Variants in ERN1 observed in about 807,000 individuals in gnomAD.
ERN1 encodes endoplasmic reticulum to nucleus signaling 1.
Under a neutral mutation model 113.1 loss-of-function variants are expected in ERN1, and 39 were observed. That is an observed-to-expected ratio of 0.34 (90% CI 0.27 to 0.45). The LOEUF (loss-of-function observed/expected upper bound fraction) is 0.45. Ranked by LOEUF, ERN1 falls within the 20% of genes least tolerant of loss-of-function variation. ERN1 has a pLI of 1.00. For synonymous variants in ERN1, 507 were observed against 515.9 expected (o/e 0.98, Z 0.23); for missense variants, 976 against 1,274.8 (o/e 0.77, Z 3.57).
intron 11 of ERN1, among the ~76,000 whole-genome samples, chr17:64,059,846 CAATTTTT>C (rs1912995722): frequency 1.7e-5 from 2 of 114,832 alleles, no homozygotes; most frequent in Admixed American, 2.4e-4. Flanking sequence ...ACTTCTTCAA[CAATTTTT>C]TTTTTTTTTT....
Position 64,047,984 on chromosome 17 carries a change from T to G in ERN1, c.2403A>C (p.Glu801Asp). 2 of 1,609,244 alleles carry G rather than the reference T, an allele frequency of 1.2e-6. No individual in the cohort carries two copies. Among genetic ancestry groups the G allele is most frequent in the South Asian group, 2.2e-5 (2 of 90,478 alleles). Residue 801 changes from glutamate (E) to aspartate (D), a missense_variant and splice_region_variant, in exon 19 of 22, where the codon GAA (glutamate) becomes GAC (aspartate). Around this residue, in one of 5 missense-constraint regions of ERN1, gnomAD observed 297 missense variants for 457.8 expected, o/e 0.65. Transcript: ENST00000433197. Reference sequence around the variant, plus strand: ...CTATCAATTCACGTGCAATGACGTCTTCTATAAAGGAGGAAAATAAGCAAC... The same window carrying G: ...CTATCAATTCACGTGCAATGACGTCGTCTATAAAGGAGGAAAATAAGCAAC... Reference protein sequence around the residue: ...SLDCLHPEKHEDVIARELIEK... With the variant: ...SLDCLHPEKHDDVIARELIEK...
chr17:64,082,611 T>C (rs1319126353), intron 2 of ERN1, among the ~76,000 whole-genome samples: 1 of 152,098 alleles, frequency 6.6e-6, no homozygotes, highest in Non-Finnish European at 1.5e-5. Context: ...CAGACCAACA[T>C]GATTTAAATT....
intron 1 of ERN1, chr17:64,128,836 C>G (rs1451986127): frequency 6.6e-6 from 1 of 152,024 alleles, no homozygotes. Context: ...ATTTACTTCT[C>G]CTGTTTCCAA....
intron 19 of ERN1, among the ~76,000 whole-genome samples, chr17:64,047,366 A>G (rs1912544882): frequency 2.6e-5 from 4 of 152,222 alleles, no homozygotes; most frequent in Admixed American, 2.6e-4. Flanking sequence ...TGTCTCAAAA[A>G]AAATAAAAAT....
chr17:64,055,570 G>A, intron 13 of ERN1, 105 bp downstream of exon 13: 1 of 1,094,316 alleles, frequency 9.1e-7, no homozygotes, highest in East Asian at 2.8e-5. Context: ...AGAACACAGT[G>A]AACCCCTGAG....
At chr17:64,098,001 T>G in intron 2 of ERN1, 120 bp downstream of exon 2, 1 of 1,311,618 alleles carries the variant, frequency 7.6e-7, no homozygotes, top group Non-Finnish European at 1.1e-6. Flanking sequence ...GATCCCATTC[T>G]TCTTTATTTC....
At chr17:64,107,492 T>C (rs75417255) in intron 1 of ERN1, among the ~76,000 whole-genome samples, 222 of 152,176 alleles carry the variant, frequency 1.5e-3, no homozygotes, top group African/African-American at 4.9e-3. Context: ...TGGCTTTTTA[T>C]TTCATTTTTT....
chr17:64,067,512 G>T (rs1464193357), intron 7 of ERN1, among the ~76,000 whole-genome samples: 1 of 151,806 alleles, frequency 6.6e-6, no homozygotes, highest in African/African-American at 2.4e-5. Flanking sequence ...GTAGGCTGAG[G>T]TGGGAAGATC....
rs1235318755 is a variant in ERN1, at chr17:64,068,220, C to T, written c.550G>A (p.Ala184Thr). 3 of 1,611,762 alleles carry T rather than the reference C, an allele frequency of 1.9e-6. No homozygotes were observed. The highest frequency in any genetic ancestry group is 2.5e-6 in the Non-Finnish European group (3 of 1,179,002). The change falls in exon 7 of 22, where the codon GCC (alanine) becomes ACC (threonine). Residue 184 changes from alanine to threonine, a missense_variant. Physicochemically the swap from Ala to Thr is moderately conservative, Grantham distance 58. Around this residue, in one of 5 missense-constraint regions of ERN1, gnomAD observed 459 missense variants for 581.2 expected, o/e 0.79. Transcript: ENST00000433197. ...RWNATYFDYA[A>T]SLPEDDVDYK... ...TCCACGTCGTCCTCAGGCAGTGAGG[C>T]CGCATAGTCAAAGTAGGTGGCATTC...
rs538419574 is a variant in ERN1 at position 64,094,869 on chromosome 17, C to T, written c.175+3252G>A. On this transcript the variant is annotated intron_variant, in intron 2 of 21. Transcript: ENST00000433197. Reference sequence around the variant, plus strand: ...TCCTGTTTTCCCACTAGAATGAAAGCTTTATGATAAAAGGGTTTGCCTGTT... The same window carrying T: ...TCCTGTTTTCCCACTAGAATGAAAGTTTTATGATAAAAGGGTTTGCCTGTT... Among the ~76,000 whole-genome samples the T allele has an allele frequency of 2.0e-5, 3 of 152,236 alleles. No individual in the cohort carries two copies. In the South Asian group the frequency reaches 6.2e-4, roughly 32 times the overall value.
At chr17:64,120,578 TG>T (rs1228122335) in intron 1 of ERN1, among the ~76,000 whole-genome samples, 3 of 152,212 alleles carry the variant, frequency 2.0e-5, no homozygotes, top group African/African-American at 7.2e-5. Context: ...AGGACAACTC[TG>T]GGCCAAGGTT....
chr17:64,117,797 CTA>C (rs1173151540), intron 1 of ERN1, among the ~76,000 whole-genome samples: 3 of 152,180 alleles, frequency 2.0e-5, no homozygotes, highest in Admixed American at 2.0e-4. Flanking sequence ...TTGCTCTGCT[CTA>C]TGTTTCTCCC....
At chr17:64,084,942 T>G (rs1246743087) in intron 2 of ERN1, among the ~76,000 whole-genome samples, 1 of 152,208 alleles carries the variant, frequency 6.6e-6, no homozygotes, top group Non-Finnish European at 1.5e-5. Context: ...CATGATCACC[T>G]CCTACTGCCC....
chr17:64,046,757 C>T (rs887053317), intron 19 of ERN1, among the ~76,000 whole-genome samples: 2 of 152,222 alleles, frequency 1.3e-5, no homozygotes, highest in African/African-American at 4.8e-5. Flanking sequence ...GGTCACTTCT[C>T]AGTACGGTGC....
Position 64,106,729 on chromosome 17 carries a change from C to CACACACAT in ERN1, c.55-8489_55-8488insATGTGTGT, listed in dbSNP as rs1348992836. On this transcript the variant is annotated intron_variant, in intron 1 of 21. Transcript: ENST00000433197. ...ACAGGGTTTCTTACACACACACACA[C>CACACACAT]ACACACACACACACACACACACACA... 2.0e-3 allele frequency among the ~76,000 whole-genome samples: 287 copies of CACACACAT among 141,450 alleles called. 8 individuals carry two copies. In the South Asian group the frequency reaches 0.042, roughly 21 times the overall value. 92.8% of individuals were successfully genotyped at this position (141,450 alleles called of 152,430 possible).
intron 2 of ERN1, among the ~76,000 whole-genome samples, chr17:64,086,898 C>G (rs1431777378): frequency 6.6e-6 from 1 of 151,920 alleles, no homozygotes; most frequent in Non-Finnish European, 1.5e-5. Context: ...CCCGCCGTGG[C>G]CTCCCAAAGT....
intron 7 of ERN1, among the ~76,000 whole-genome samples, chr17:64,067,366 GAT>G (rs1485675881): frequency 7.0e-6 from 1 of 142,914 alleles, no homozygotes; most frequent in Non-Finnish European, 1.5e-5. Context: ...GAGGTAGGAA[GAT>G]CACTTGAGTC....
At chr17:64,083,858 G>A (rs1456980239) in intron 2 of ERN1, among the ~76,000 whole-genome samples, 1 of 152,128 alleles carries the variant, frequency 6.6e-6, no homozygotes, top group Non-Finnish European at 1.5e-5. Context: ...ACTTCTTTAA[G>A]CTCAAATAAC....
In ERN1 at chr17:64,054,240, AT is replaced by A. The variant is rs781649563; in HGVS notation, c.1953+9del. ...TAATAAAGTTAACAAAATAAAAAAA[AT>A]AAATCCACCTCTTGCAGGGTGGCTG... On this transcript the variant is annotated intron_variant, in intron 15 of 21. Transcript: ENST00000433197. This position sits in a 1 kb window ranked among gnomAD's most constrained non-coding sequence, Gnocchi z 4.9. 1.5e-5 allele frequency: 24 copies of A among 1,597,006 alleles called. No individual in the cohort carries two copies. In the South Asian group the frequency reaches 2.7e-4, roughly 18 times the overall value.
Sources: gnomAD v4.1 joint callset for allele counts (sites outside exome capture counted in the v4.1 genomes callset) on GRCh38, gnomAD v4.1.1 for gene constraint, gnomAD v4.1.1 regional missense constraint, Gnocchi (gnomAD v3.1) non-coding constraint, MANE v1.5 for transcripts, NCBI Gene and HGNC (gene_info 2026-07-23, HGNC 2026-07-21) for gene names.